Variants in SH2D7 observed in about 807,000 individuals in gnomAD.
SH2D7 encodes the protein SH2 domain-containing protein 7.
SH2D7 carries 32 observed loss-of-function variants against 40.8 expected under a neutral mutation model. That is an observed-to-expected ratio of 0.78 (90% CI 0.59 to 1.05). The LOEUF (loss-of-function observed/expected upper bound fraction) is 1.05. SH2D7 is among the 50% of genes least tolerant of loss of function. SH2D7 has a pLI of 0.00. For synonymous variants in SH2D7, 195 were observed against 221.5 expected (o/e 0.88, Z 1.06); for missense variants, 559 against 566.6 (o/e 0.99, Z 0.14).
At chr15:78,090,161 A>ATGGG (rs1198368804), upstream of SH2D7, among the ~76,000 whole-genome samples, 10 of 152,150 alleles carry the variant, frequency 6.6e-5, no homozygotes, top group Non-Finnish European at 2.9e-5. Context: ...CTTTTCACAG[A>ATGGG]TGGGGAAAAT....
At chr15:78,092,799 A>G in intron 1 of SH2D7, 39 bp downstream of exon 1, 3 of 1,574,146 alleles carry the variant, frequency 1.9e-6, no homozygotes, top group Non-Finnish European at 2.6e-6. Flanking sequence ...CATAGCCCAC[A>G]GCCCCTTGGG....
intron 4 of SH2D7, 81 bp downstream of exon 4, chr15:78,098,677 G>T (rs2073992126): frequency 6.9e-7 from 1 of 1,456,682 alleles, no homozygotes; most frequent in Non-Finnish European, 9.3e-7. Context: ...AGACCCTGAG[G>T]CCAGGCCAGC....
chr15:78,094,247 C>T (rs368723627), intron 2 of SH2D7, 46 bp downstream of exon 2: 2 of 1,563,426 alleles, frequency 1.3e-6, no homozygotes, highest in African/African-American at 1.4e-5. Flanking sequence ...CCTACCATAA[C>T]CTAGCCTTGC....
chr15:78,100,892 TC>T lies in SH2D7; in HGVS notation c.646-3del. 1 of 1,610,616 alleles carries T rather than the reference TC, an allele frequency of 6.2e-7. No individual in the cohort carries two copies. The highest frequency in any genetic ancestry group is 8.5e-7 in the Non-Finnish European group (1 of 1,178,866). ...CCTTAAGAGTTTCTCTGTCCCTGTC[TC>T]CCCAGGCTCCCATCAGAGTGTCTCC... is the stretch of plus-strand genomic sequence containing the variant. On this transcript the variant is annotated splice_region_variant and splice_polypyrimidine_tract_variant and intron_variant, in intron 4 of 5. Coordinates refer to ENST00000328828, the MANE Select transcript of SH2D7 (RefSeq NM_001101404.2).
In SH2D7 at chr15:78,103,663, A is replaced by C. The variant is rs949294181; in HGVS notation, c.*148A>C. The C allele has an allele frequency of 3.1e-6, 3 of 983,582 alleles. No homozygotes were observed. The Admixed American group carries it at 7.7e-5, about 25-fold the overall frequency. The allele number at this position is 983,582 out of a possible 1,614,324, so 60.9% of individuals were successfully genotyped here. A position where few individuals can be genotyped will look rare whatever the true frequency, so the allele number is the denominator to read the frequency against. On this transcript the variant is annotated 3_prime_UTR_variant, in exon 6 of 6. Transcript: ENST00000328828. ...ACAGAACTAGGCTCCGAGACAGCCG[A>C]GGTGCCTGCCTGAGAGCAGGTGGAA...
At chr15:78,099,042 C>A (rs144543213) in intron 4 of SH2D7, among the ~76,000 whole-genome samples, 3,391 of 150,990 alleles carry the variant, frequency 0.022, 124 homozygotes, top group African/African-American at 0.079. Context: ...GAGACAGAGT[C>A]TCGCTGCAAT....
At chr15:78,094,607 A>C (rs2073959303) in intron 2 of SH2D7, among the ~76,000 whole-genome samples, 2 of 152,206 alleles carry the variant, frequency 1.3e-5, no homozygotes, top group Admixed American at 6.5e-5. Context: ...GGGGAGCTGC[A>C]GGTTGCTGGG....
chr15:78,097,245 G>A (rs2073978683), intron 2 of SH2D7, among the ~76,000 whole-genome samples: 1 of 152,208 alleles, frequency 6.6e-6, no homozygotes, highest in African/African-American at 2.4e-5. Context: ...TAGGTCTTCT[G>A]GGGGCTGGAA....
In SH2D7 at chr15:78,101,230, C is replaced by T; in HGVS notation, c.977C>T (p.Ala326Val). Residue 326 changes from alanine to valine, a missense_variant, in exon 5 of 6, where the codon GCT becomes GTT. Ala to Val is a moderately conservative substitution (Grantham distance 64). Transcript: ENST00000328828. ...TCTGATGCCATGGGATCCCTGGGGG[C>T]TACCTGGAGGCAGGAGTTTCCAAAG... ...GCSDAMGSLG[A>V]TWRQEFPKLS... 1 of 1,603,256 alleles carries T rather than the reference C, an allele frequency of 6.2e-7. No homozygotes were observed. Among genetic ancestry groups the T allele is most frequent in the Non-Finnish European group, 8.5e-7 (1 of 1,175,754 alleles).
chr15:78,092,189 T>A (rs1006937061), upstream of SH2D7, among the ~76,000 whole-genome samples: 1 of 152,228 alleles, frequency 6.6e-6, no homozygotes, highest in Non-Finnish European at 1.5e-5. Flanking sequence ...GAAGGAAGGA[T>A]ACCTAGAATT....
chr15:78,103,373 C>T, intron 5 of SH2D7, 92 bp from the exon 6 acceptor site: 1 of 1,467,668 alleles, frequency 6.8e-7, no homozygotes, highest in African/African-American at 1.4e-5. Context: ...GCTTGGGCCC[C>T]CAACCCAAGG....
In SH2D7 at chr15:78,093,253, C is replaced by T. The variant is rs375359147; in HGVS notation, c.176+493C>T. Among the ~76,000 whole-genome samples, 41 of 152,334 alleles carry T rather than the reference C, an allele frequency of 2.7e-4. No homozygotes were observed. In the East Asian group the frequency reaches 7.3e-3, roughly 27 times the overall value. ...CCTGATGAAGGAATGGCAAATCCAG[C>T]CAGTCCTTAGGTCCTGGCACAGCAC... On this transcript the variant is annotated intron_variant, in intron 1 of 5. Coordinates refer to ENST00000328828, the MANE Select transcript of SH2D7 (RefSeq NM_001101404.2).
In SH2D7 at chr15:78,103,667, G is replaced by A. The variant is rs1052841510; in HGVS notation, c.*152G>A. ...AACTAGGCTCCGAGACAGCCGAGGT[G>A]CCTGCCTGAGAGCAGGTGGAAGAGG... On this transcript the variant is annotated 3_prime_UTR_variant, in exon 6 of 6. Transcript: ENST00000328828. 9 of 931,410 alleles carry A rather than the reference G, an allele frequency of 9.7e-6. No homozygotes were observed. In the Middle Eastern group the frequency reaches 1.7e-3, roughly 181 times the overall value. 57.7% of individuals were successfully genotyped at this position (931,410 alleles called of 1,614,324 possible). A position where few individuals can be genotyped will look rare whatever the true frequency, so the allele number is the denominator to read the frequency against.
At chr15:78,100,839 C>T in intron 4 of SH2D7, 60 bp from the exon 5 acceptor site, 1 of 1,566,750 alleles carries the variant, frequency 6.4e-7, no homozygotes, top group South Asian at 1.2e-5. Flanking sequence ...AGAGTTTTTA[C>T]TGGAGGGCAT....
intron 4 of SH2D7, 78 bp downstream of exon 4, chr15:78,098,674 G>A: frequency 1.3e-6 from 2 of 1,489,732 alleles, no homozygotes; most frequent in Non-Finnish European, 1.8e-6. Context: ...GTCAGACCCT[G>A]AGGCCAGGCC....
At chr15:78,092,798 C>A in intron 1 of SH2D7, 38 bp downstream of exon 1, 1 of 1,575,692 alleles carries the variant, frequency 6.3e-7, no homozygotes, top group Non-Finnish European at 8.6e-7. Context: ...TCATAGCCCA[C>A]AGCCCCTTGG....
intron 2 of SH2D7, among the ~76,000 whole-genome samples, chr15:78,097,033 G>C (rs907016273): frequency 2.0e-5 from 3 of 152,002 alleles, no homozygotes; most frequent in African/African-American, 7.3e-5. Context: ...TCATTAACTA[G>C]AATACTACAT....
rs763700237 is a variant in SH2D7 at position 78,100,893 on chromosome 15, C to T, written c.646-6C>T. 2 of 1,611,884 alleles carry T rather than the reference C, an allele frequency of 1.2e-6. No individual in the cohort carries two copies. The highest frequency in any genetic ancestry group is 3.4e-5 in the Admixed American group (2 of 59,654). ...CTTAAGAGTTTCTCTGTCCCTGTCT[C>T]CCCAGGCTCCCATCAGAGTGTCTCC... On this transcript the variant is annotated splice_polypyrimidine_tract_variant and splice_region_variant and intron_variant, in intron 4 of 5. Transcript: ENST00000328828.
chr15:78,092,669 C>A lies in SH2D7; in HGVS notation c.85C>A (p.Leu29Ile). The A allele has an allele frequency of 6.3e-7, 1 of 1,582,094 alleles. No individual in the cohort carries two copies. The highest frequency in any genetic ancestry group is 8.6e-7 in the Non-Finnish European group (1 of 1,164,294). Residue 29 changes from leucine to isoleucine, a missense_variant, in exon 1 of 6, where the codon CTT (leucine) becomes ATT (isoleucine). Leu to Ile is a conservative substitution (Grantham distance 5, BLOSUM62 2). Coordinates refer to ENST00000328828, the MANE Select transcript of SH2D7 (RefSeq NM_001101404.2). ...CCAGGCCCTGGCTGAGCTCCAGGAG[C>A]TTGCCCTGAAGTGGTTCATGGAGAC... is the stretch of plus-strand genomic sequence containing the variant. ...DSQALAELQE[L>I]ALKWFMETQA...
Sources: gnomAD v4.1 joint callset for allele counts (sites outside exome capture counted in the v4.1 genomes callset) on GRCh38, gnomAD v4.1.1 for gene constraint, MANE v1.5 for transcripts, NCBI Gene and HGNC (gene_info 2026-07-23, HGNC 2026-07-21) for gene names.